Variants in ANKS1B observed in about 807,000 individuals in gnomAD.
ANKS1B encodes the protein ankyrin repeat and sterile alpha motif domain-containing protein 1B.
In ANKS1B, 36 loss-of-function variants were observed where a neutral mutation model predicts 148.3. The ratio of observed to expected loss-of-function variants is 0.24; its 90% CI spans 0.19 to 0.32. The LOEUF (loss-of-function observed/expected upper bound fraction) is 0.32, where lower values mean the gene tolerates loss of function less well. Among genes scored for constraint, ANKS1B ranks in the 10% least tolerant of loss-of-function variants. The pLI is 1.00. For synonymous variants in ANKS1B, 542 were observed against 560.8 expected, an observed-to-expected ratio of 0.97 and a Z score of 0.47; for missense variants, 1,157 against 1,542.6, an observed-to-expected ratio of 0.75 and a Z score of 4.19.
chr12:99,474,046 T>C (rs539045581), intron 10 of ANKS1B, among the ~76,000 whole-genome samples: 1 of 152,248 alleles, frequency 6.6e-6, no homozygotes, highest in Non-Finnish European at 1.5e-5. Flanking sequence ...TGAAATATCC[T>C]TAGAAGAGTG....
At chr12:99,703,938 T>C (rs1015554214) in intron 8 of ANKS1B, among the ~76,000 whole-genome samples, 7 of 152,110 alleles carry the variant, frequency 4.6e-5, no homozygotes, top group Non-Finnish European at 7.4e-5. Context: ...CTCTGAATAA[T>C]AGCCAGTATA....
intron 15 of ANKS1B, among the ~76,000 whole-genome samples, chr12:99,093,998 G>C (rs1004742516): frequency 1.3e-5 from 2 of 152,214 alleles, no homozygotes; most frequent in Admixed American, 1.3e-4. Context: ...GGCTGCCTTA[G>C]ACAGGAGGTC....
chr12:99,519,674 T>C (rs529817656), intron 9 of ANKS1B, among the ~76,000 whole-genome samples: 1 of 152,262 alleles, frequency 6.6e-6, no homozygotes, highest in East Asian at 1.9e-4. Flanking sequence ...TTTTCACCTA[T>C]TCGGCCACTC....
At chr12:99,347,687 A>G (rs1295372769) in intron 12 of ANKS1B, among the ~76,000 whole-genome samples, 1 of 152,066 alleles carries the variant, frequency 6.6e-6, no homozygotes, top group Non-Finnish European at 1.5e-5. Context: ...CACTAAACAT[A>G]CAAGTACAAC....
intron 1 of ANKS1B, among the ~76,000 whole-genome samples, chr12:99,845,316 GA>G (rs2086469869): frequency 6.6e-6 from 1 of 152,136 alleles, no homozygotes; most frequent in South Asian, 2.1e-4. Context: ...TTTCCAAGGG[GA>G]ATTCTTCCAG....
chr12:98,854,504 C>T (rs903991363), intron 17 of ANKS1B, among the ~76,000 whole-genome samples: 6 of 152,140 alleles, frequency 3.9e-5, no homozygotes, highest in Admixed American at 3.9e-4. Context: ...AACACCATCC[C>T]CTGTTTTACA....
intron 8 of ANKS1B, among the ~76,000 whole-genome samples, chr12:99,751,603 C>G (rs958770345): frequency 6.6e-6 from 1 of 152,074 alleles, no homozygotes; most frequent in Non-Finnish European, 1.5e-5. Context: ...ATTCATTCTT[C>G]TTTTGTTCAT....
intron 17 of ANKS1B, among the ~76,000 whole-genome samples, chr12:98,888,769 C>T (rs2099745905): frequency 6.6e-6 from 1 of 152,188 alleles, no homozygotes; most frequent in Non-Finnish European, 1.5e-5. Flanking sequence ...CTAATTTCTC[C>T]CTCCATCTCC....
intron 12 of ANKS1B, among the ~76,000 whole-genome samples, chr12:99,328,023 C>T (rs2086814532): frequency 6.6e-6 from 1 of 151,762 alleles, no homozygotes. Context: ...AAATGAAGAA[C>T]ATCATAAAGG....
chr12:99,908,330 A>T (rs932827887), intron 1 of ANKS1B, among the ~76,000 whole-genome samples: 4 of 152,146 alleles, frequency 2.6e-5, no homozygotes, highest in African/African-American at 7.2e-5. Flanking sequence ...CTGTAATCCC[A>T]GCAATTTGGG....
intron 4 of ANKS1B, among the ~76,000 whole-genome samples, chr12:99,788,546 T>C (rs1466031533): frequency 1.3e-5 from 2 of 152,150 alleles, no homozygotes; most frequent in East Asian, 3.9e-4. Context: ...CCAGCTGTGG[T>C]GGCTACGGTG....
intron 14 of ANKS1B, among the ~76,000 whole-genome samples, chr12:99,241,501 C>T (rs1158324942): frequency 1.3e-5 from 2 of 152,196 alleles, no homozygotes; most frequent in African/African-American, 4.8e-5. Flanking sequence ...CCTTCTGAAA[C>T]TTTTCCAATC....
At chr12:98,874,156 C>CA (rs542853481) in intron 17 of ANKS1B, among the ~76,000 whole-genome samples, 6 of 151,666 alleles carry the variant, frequency 4.0e-5, no homozygotes, top group Non-Finnish European at 7.4e-5. Context: ...CAAAATGAGG[C>CA]AAAAAAAGAG....
At chr12:99,513,485 C>T (rs10860450) in intron 9 of ANKS1B, among the ~76,000 whole-genome samples, 18,080 of 151,896 alleles carry the variant, frequency 0.12, 2,493 homozygotes, top group African/African-American at 0.34. Flanking sequence ...GTTAATCTTT[C>T]CCAAGGCATT....
intron 14 of ANKS1B, among the ~76,000 whole-genome samples, chr12:99,191,936 A>G (rs2153883567): frequency 6.6e-6 from 1 of 152,078 alleles, no homozygotes; most frequent in East Asian, 1.9e-4. Flanking sequence ...GTTTGAGACC[A>G]GCCTTACCAA....
intron 17 of ANKS1B, among the ~76,000 whole-genome samples, chr12:98,990,755 C>G (rs531094773): frequency 4.6e-5 from 7 of 152,248 alleles, no homozygotes; most frequent in Non-Finnish European, 1.0e-4. Context: ...CAGTGAAGAC[C>G]TGAGTTGCAG....
chr12:98,954,507 CAGCA>C (rs1335165316), intron 17 of ANKS1B: 2 of 152,184 alleles, frequency 1.3e-5, no homozygotes, highest in African/African-American at 4.8e-5. Context: ...GGAACAAGGT[CAGCA>C]AACCAATAGG....
intron 15 of ANKS1B, among the ~76,000 whole-genome samples, chr12:99,091,316 C>G (rs2053909877): frequency 6.6e-6 from 1 of 152,102 alleles, no homozygotes; most frequent in African/African-American, 2.4e-5. Flanking sequence ...CATCTGTTGT[C>G]AAGCTACAGA....
intron 9 of ANKS1B, chr12:99,649,235 A>G: frequency 3.0e-6 from 4 of 1,339,220 alleles, no homozygotes; most frequent in Middle Eastern, 1.8e-4. Context: ...CTATAGGAAG[A>G]GAAAGGAGAT....
Sources: gnomAD v4.1 joint callset for allele counts (sites outside exome capture counted in the v4.1 genomes callset) on GRCh38, gnomAD v4.1.1 for gene constraint, MANE v1.5 for transcripts, NCBI Gene and HGNC (gene_info 2026-07-23, HGNC 2026-07-21) for gene names.